Variants in SERINC5 observed in about 807,000 individuals in gnomAD.
SERINC5 encodes serine incorporator 5, also known as chromosome 5 open reading frame 12.
SERINC5 carries 41 observed loss-of-function variants against 63.1 expected under a neutral mutation model. That is an observed-to-expected ratio of 0.65 (90% CI 0.51 to 0.84). The LOEUF is 0.84. Among genes scored for constraint, SERINC5 ranks in the 40% least tolerant of loss-of-function variants. The pLI, the probability that SERINC5 is intolerant of heterozygous loss-of-function variation, is 0.00. For missense variants in SERINC5, 523 were observed against 573.0 expected (o/e 0.91, Z 0.89); for synonymous variants, 222 against 215.2 (o/e 1.03, Z -0.28).
intron 9 of SERINC5, among the ~76,000 whole-genome samples, chr5:80,148,895 G>A (rs1248626931): frequency 3.9e-5 from 6 of 152,150 alleles, no homozygotes; most frequent in African/African-American, 4.8e-5. Flanking sequence ...AACCTTTAAC[G>A]GAGGTATTAG....
At chr5:80,136,147 G>A (rs1745160709), downstream of SERINC5, among the ~76,000 whole-genome samples, 1 of 152,130 alleles carries the variant, frequency 6.6e-6, no homozygotes, top group Non-Finnish European at 1.5e-5. Context: ...AGGCTCACTT[G>A]AGAGCAGGAG....
chr5:80,137,164 C>CAAAAA (rs796274001), downstream of SERINC5, among the ~76,000 whole-genome samples: 2 of 79,082 alleles, frequency 2.5e-5, no homozygotes, highest in Non-Finnish European at 5.7e-5. Context: ...AAAAAAAAAA[C>CAAAAA]AAAAAAAACA....
chr5:80,181,951 C>T (rs897502688), intron 2 of SERINC5, among the ~76,000 whole-genome samples: 2 of 152,168 alleles, frequency 1.3e-5, no homozygotes, highest in African/African-American at 4.8e-5. Flanking sequence ...CTTCATTAAC[C>T]CTTTTCCTAT....
intron 7 of SERINC5, among the ~76,000 whole-genome samples, chr5:80,162,938 C>T (rs1194534342): frequency 1.3e-5 from 2 of 151,800 alleles, no homozygotes; most frequent in Non-Finnish European, 2.9e-5. Flanking sequence ...AAGATCCCTC[C>T]CCCTCCCAGG....
At chr5:80,232,603 G>A (rs1751499880) in intron 1 of SERINC5, among the ~76,000 whole-genome samples, 1 of 152,070 alleles carries the variant, frequency 6.6e-6, no homozygotes, top group Non-Finnish European at 1.5e-5. Context: ...GGCCAACATA[G>A]TGAAGCCCCA....
At chr5:80,211,250 T>C (rs935711929) in intron 1 of SERINC5, among the ~76,000 whole-genome samples, 3 of 152,182 alleles carry the variant, frequency 2.0e-5, no homozygotes, top group South Asian at 4.1e-4. Flanking sequence ...TTTGCTTTTC[T>C]GCTGCCTGCA....
In SERINC5 at chr5:80,143,186, G is replaced by A; in HGVS notation, c.*477C>T. 1.0e-6 allele frequency: 1 copy of A among 987,226 alleles called. No homozygotes were observed. The highest frequency in any genetic ancestry group is 1.2e-6 in the Non-Finnish European group (1 of 831,210). The allele number at this position is 987,226 out of a possible 1,614,324, so 61.2% of individuals were successfully genotyped here. A position where few individuals can be genotyped will look rare whatever the true frequency, so the allele number is the denominator to read the frequency against. ...AAATACCAGGGGCCCTGCAGGCTGAGTCCTGTCCTCAAAGCCCCCTGGGGA... is the reference window on the plus strand; with the variant it reads ...AAATACCAGGGGCCCTGCAGGCTGAATCCTGTCCTCAAAGCCCCCTGGGGA... On this transcript the variant is annotated 3_prime_UTR_variant, in exon 12 of 12. Coordinates refer to ENST00000507668, the MANE Select transcript of SERINC5 (RefSeq NM_001174072.3).
intron 6 of SERINC5, 141 bp downstream of exon 6, chr5:80,169,194 T>C (rs935434064): frequency 1.5e-5 from 10 of 658,386 alleles, no homozygotes; most frequent in Admixed American, 5.8e-5. Flanking sequence ...AGCCCCACCT[T>C]GCCTACTGCT....
At chr5:80,192,580 G>A (rs139733198) in intron 2 of SERINC5, among the ~76,000 whole-genome samples, 6 of 152,188 alleles carry the variant, frequency 3.9e-5, no homozygotes, top group Middle Eastern at 3.4e-3. Flanking sequence ...TCAATAGCTC[G>A]AACAGAAAAC....
chr5:80,169,496 A>G lies in SERINC5; in HGVS notation c.602T>C (p.Val201Ala). The G allele has an allele frequency of 1.2e-6, 2 of 1,613,922 alleles. No individual in the cohort carries two copies. Among genetic ancestry groups the G allele is most frequent in the Non-Finnish European group, 1.7e-6 (2 of 1,179,862 alleles). ...GGCAATGGAATACATGATGAGCGTC[A>G]CCAGGGCCAGGGAGGCGTACCACAG... ...NKLWYASLAL[V>A]TLIMYSIATG... The change falls in exon 6 of 12, where the codon GTG (valine) becomes GCG (alanine). Residue 201 changes from valine (V) to alanine (A), a missense_variant. By Grantham distance (64) the Val-to-Ala change is moderately conservative (BLOSUM62 0). Transcript: ENST00000507668.
At chr5:80,164,197 T>C (rs550217533) in intron 7 of SERINC5, among the ~76,000 whole-genome samples, 1 of 152,266 alleles carries the variant, frequency 6.6e-6, no homozygotes, top group East Asian at 1.9e-4. Context: ...ATTGTGATTT[T>C]TCCTTTTTCA....
chr5:80,245,775 T>C (rs1275590490), intron 1 of SERINC5, among the ~76,000 whole-genome samples: 1 of 151,746 alleles, frequency 6.6e-6, no homozygotes, highest in African/African-American at 2.4e-5. Context: ...CTATCATGCC[T>C]GGCTAATTTT....
chr5:80,221,753 C>T (rs1186353918), intron 1 of SERINC5, among the ~76,000 whole-genome samples: 1 of 149,484 alleles, frequency 6.7e-6, no homozygotes, highest in Non-Finnish European at 1.5e-5. Context: ...CTGTAAAATG[C>T]ACTCCATTGG....
In SERINC5 at chr5:80,235,474, T is replaced by C. The variant is rs76087606; in HGVS notation, c.27+20422A>G. ...ATATTTAATTATGATTCAGACATTA[T>C]GACAAAATAAATTCTCCATAAGTGA... On this transcript the variant is annotated intron_variant, in intron 1 of 11. Coordinates refer to ENST00000507668, the MANE Select transcript of SERINC5 (RefSeq NM_001174072.3). Among the ~76,000 whole-genome samples the C allele has an allele frequency of 7.1e-3, 1,082 of 152,376 alleles. 12 individuals carry two copies. The highest frequency in any genetic ancestry group is 0.025 in the African/African-American group (1,033 of 41,590).
chr5:80,201,735 C>T (rs1749848862), intron 2 of SERINC5, among the ~76,000 whole-genome samples: 1 of 152,190 alleles, frequency 6.6e-6, no homozygotes, highest in African/African-American at 2.4e-5. Flanking sequence ...TCTCCATCAG[C>T]ATCACACACC....
chr5:80,195,610 T>C (rs912820576), intron 2 of SERINC5, among the ~76,000 whole-genome samples: 4 of 152,184 alleles, frequency 2.6e-5, no homozygotes, highest in African/African-American at 9.7e-5. Context: ...GAATATTTAA[T>C]ATTATGGCTT....
At chr5:80,249,596 A>G (rs2112612287) in intron 1 of SERINC5, among the ~76,000 whole-genome samples, 1 of 152,268 alleles carries the variant, frequency 6.6e-6, no homozygotes, top group South Asian at 2.1e-4. Flanking sequence ...TGAGATCAGG[A>G]GTTCAAGACC....
chr5:80,232,012 G>A (rs1468001031), intron 1 of SERINC5, among the ~76,000 whole-genome samples: 1 of 151,114 alleles, frequency 6.6e-6, no homozygotes, highest in Non-Finnish European at 1.5e-5. Flanking sequence ...TGAGGCAGGA[G>A]GATCACTTCA....
chr5:80,198,766 T>C (rs1230013506), intron 2 of SERINC5: 2 of 939,154 alleles, frequency 2.1e-6, no homozygotes, highest in Non-Finnish European at 2.5e-6. Context: ...TGTGGCCAGA[T>C]GGCCAGCTCC....
Sources: gnomAD v4.1 joint callset for allele counts (sites outside exome capture counted in the v4.1 genomes callset) on GRCh38, gnomAD v4.1.1 for gene constraint, MANE v1.5 for transcripts, NCBI Gene and HGNC (gene_info 2026-07-23, HGNC 2026-07-21) for gene names.